OSBP2: variants seen among roughly 807,000 people sequenced by gnomAD.
OSBP2 encodes the protein oxysterol-binding protein 2.
In OSBP2, 66 loss-of-function variants were observed where a neutral mutation model predicts 96.0. The ratio of observed to expected loss-of-function variants is 0.69; its 90% confidence interval spans 0.56 to 0.84. The LOEUF (loss-of-function observed/expected upper bound fraction) is 0.84. OSBP2 is among the 40% of genes least tolerant of loss of function. OSBP2 has a pLI of 0.00. For synonymous variants in OSBP2, 525 were observed against 520.9 expected (o/e 1.01, Z -0.11); for missense variants, 1,038 against 1,222.7 (o/e 0.85, Z 2.25).
rs117961127 is a variant in OSBP2, at chr22:30,811,281, T to C, written c.854-59148T>C. On this transcript the variant is annotated intron_variant, in intron 2 of 13. Transcript: ENST00000332585. ...ATCTTTACATGTTGATACAAATACATCTCTTTTATTTCTTTTTAGTTTCTG... is the reference window on the plus strand; with the variant it reads ...ATCTTTACATGTTGATACAAATACACCTCTTTTATTTCTTTTTAGTTTCTG... Among the ~76,000 whole-genome samples, 289 of 151,570 alleles carry C rather than the reference T, an allele frequency of 1.9e-3. 9 individuals are homozygous for C. In the East Asian group the frequency reaches 0.055, roughly 29 times the overall value.
intron 1 of OSBP2, among the ~76,000 whole-genome samples, chr22:30,705,379 C>T (rs1046358451): frequency 6.6e-6 from 1 of 151,986 alleles, no homozygotes; most frequent in Admixed American, 6.6e-5. Context: ...CCGCAACCTC[C>T]GCCTCCCGGG....
chr22:30,738,821 C>A (rs2089893002), intron 1 of OSBP2, among the ~76,000 whole-genome samples: 1 of 152,174 alleles, frequency 6.6e-6, no homozygotes, highest in African/African-American at 2.4e-5. Flanking sequence ...CTCCTCCTCC[C>A]AAAGTGCTGG....
chr22:30,708,749 A>G (rs2089297133), intron 1 of OSBP2, among the ~76,000 whole-genome samples: 3 of 151,058 alleles, frequency 2.0e-5, no homozygotes, highest in African/African-American at 7.3e-5. Flanking sequence ...CAGCCTCCCA[A>G]AGTGCTAGGA....
At chr22:30,768,258 A>T (rs544334460) in intron 2 of OSBP2, among the ~76,000 whole-genome samples, 3 of 152,220 alleles carry the variant, frequency 2.0e-5, no homozygotes, top group Non-Finnish European at 4.4e-5. Context: ...ACCCAAGCCC[A>T]GGAGCCAGCC....
At chr22:30,793,860 G>C (rs1050727640) in intron 2 of OSBP2, among the ~76,000 whole-genome samples, 2 of 152,134 alleles carry the variant, frequency 1.3e-5, no homozygotes, top group African/African-American at 4.8e-5. Context: ...AGTGGTCTAA[G>C]TTGTACACCC....
At position 30,905,909 on chromosome 22, in the gene OSBP2, G is replaced by A. The variant is rs745664497; in HGVS notation, c.2448G>A (p.Ala816=). ...TCAACGAGCACGAGGAGGGCGTAGCGCCAACCGACAGCCGCCTGCGGCCCG... is the reference window on the plus strand; with the variant it reads ...TCAACGAGCACGAGGAGGGCGTAGCACCAACCGACAGCCGCCTGCGGCCCG... ...LTLNEHEEGV[A]PTDSRLRPDQ... The change falls in exon 13 of 14, where the codon GCG becomes GCA. Residue 816 remains alanine, a synonymous_variant. Coordinates refer to ENST00000332585, the MANE Select transcript of OSBP2 (RefSeq NM_030758.4). 3.1e-6 allele frequency: 5 copies of A among 1,612,850 alleles called. No homozygotes were observed. In the African/African-American group the frequency reaches 5.3e-5, roughly 17 times the overall value.
chr22:30,694,126 G>A (rs929176044), upstream of OSBP2: 9 of 1,548,748 alleles, frequency 5.8e-6, no homozygotes, highest in Non-Finnish European at 7.9e-6. Context: ...GATCCCGGGA[G>A]GTCCAAGTTC....
chr22:30,811,172 C>CA (rs1275888747), intron 2 of OSBP2, among the ~76,000 whole-genome samples: 1 of 148,460 alleles, frequency 6.7e-6, no homozygotes, highest in Non-Finnish European at 1.5e-5. Flanking sequence ...CAACCCCCCC[C>CA]CCACACATAC....
chr22:30,856,442 A>G (rs1311823052), intron 2 of OSBP2, among the ~76,000 whole-genome samples: 1 of 134,906 alleles, frequency 7.4e-6, no homozygotes, highest in Non-Finnish European at 1.5e-5. Context: ...GTTGGAGTGC[A>G]GTGGCATGAT....
chr22:30,701,505 G>A (rs1569087980), intron 1 of OSBP2, among the ~76,000 whole-genome samples: 2 of 151,520 alleles, frequency 1.3e-5, no homozygotes, highest in African/African-American at 2.4e-5. Flanking sequence ...CACCACACCC[G>A]GCTTATTTTT....
chr22:30,781,439 G>A (rs1365135263), intron 2 of OSBP2, among the ~76,000 whole-genome samples: 1 of 152,148 alleles, frequency 6.6e-6, no homozygotes, highest in East Asian at 1.9e-4. Flanking sequence ...CCTGGTTCAT[G>A]CCACACACTG....
chr22:30,869,886 C>T (rs1183163430), intron 2 of OSBP2, among the ~76,000 whole-genome samples: 7 of 152,060 alleles, frequency 4.6e-5, no homozygotes, highest in African/African-American at 1.7e-4. Context: ...CAAACAGGAG[C>T]GCTCAGGCCT....
rs530169450 is a variant in OSBP2, at chr22:30,874,531, A to AGG, written c.1107+3854_1107+3855dup. Among the ~76,000 whole-genome samples the AGG allele has an allele frequency of 2.7e-3, 399 of 148,204 alleles. 22 individuals are homozygous for AGG. In the South Asian group the frequency reaches 0.086, roughly 32 times the overall value. On this transcript the variant is annotated intron_variant, in intron 3 of 13. Coordinates refer to ENST00000332585, the MANE Select transcript of OSBP2 (RefSeq NM_030758.4). The stretch of plus-strand genomic sequence containing the variant: ...TCAGCTCCTAGAAGGGCAGGGAGGG[A>AGG]GGGGGGTCCTCTGGATGATTCCCGA...
chr22:30,704,779 G>T (rs2089224105), intron 1 of OSBP2, among the ~76,000 whole-genome samples: 1 of 152,060 alleles, frequency 6.6e-6, no homozygotes, highest in Non-Finnish European at 1.5e-5. Context: ...CACATCGTTT[G>T]TACAAACAGT....
intron 3 of OSBP2, among the ~76,000 whole-genome samples, chr22:30,883,049 T>C (rs985408947): frequency 2.6e-5 from 4 of 152,132 alleles, no homozygotes; most frequent in Admixed American, 2.6e-4. Context: ...AAAGCACCCA[T>C]CTATGTGAGA....
intron 2 of OSBP2, among the ~76,000 whole-genome samples, chr22:30,863,766 CCTG>C (rs991963681): frequency 6.6e-5 from 10 of 152,202 alleles, no homozygotes; most frequent in African/African-American, 2.4e-4. Context: ...CAGAGCGAAT[CCTG>C]CTGGTGACTG....
At chr22:30,738,573 T>C (rs979158287) in intron 1 of OSBP2, among the ~76,000 whole-genome samples, 3 of 151,966 alleles carry the variant, frequency 2.0e-5, no homozygotes, top group African/African-American at 4.8e-5. Flanking sequence ...TTTTTTTTTT[T>C]CTTTGAGACG....
chr22:30,796,700 G>C (rs1245937045), intron 2 of OSBP2, among the ~76,000 whole-genome samples: 1 of 151,874 alleles, frequency 6.6e-6, no homozygotes, highest in Non-Finnish European at 1.5e-5. Flanking sequence ...GAGACAGGGG[G>C]GTTCACCATG....
chr22:30,709,525 G>GTT (rs796220367), intron 1 of OSBP2, among the ~76,000 whole-genome samples: 1 of 149,210 alleles, frequency 6.7e-6, no homozygotes, highest in Non-Finnish European at 1.5e-5. Context: ...TTTGTTTTTT[G>GTT]TTTTTTTTTG....
Sources: gnomAD v4.1 joint callset for allele counts (sites outside exome capture counted in the v4.1 genomes callset) on GRCh38, gnomAD v4.1.1 for gene constraint, MANE v1.5 for transcripts, NCBI Gene and HGNC (gene_info 2026-07-23, HGNC 2026-07-21) for gene names.